The following PKHD1 variants were observed in gnomAD, a reference collection of about 807,000 sequenced individuals.
PKHD1 encodes the protein fibrocystin.
A neutral mutation model predicts 412.0 loss-of-function variants in PKHD1; 291 were observed. The observed-to-expected ratio is 0.71, with a 90% CI of 0.64 to 0.78. The LOEUF (loss-of-function observed/expected upper bound fraction) is 0.78. Ranked by LOEUF, PKHD1 falls within the 30% of genes least tolerant of loss-of-function variation. The probability of loss-of-function intolerance (pLI) is 0.00; values close to 1 mark genes in which losing one functional copy is unlikely to be tolerated. For missense variants in PKHD1, 4,825 were observed against 4,950.7 expected (o/e 0.97, Z 0.76); for synonymous variants, 1,777 against 1,821.5 (o/e 0.98, Z 0.62).
intron 16 of PKHD1, among the ~76,000 whole-genome samples, chr6:52,057,769 G>T (rs1262381399): frequency 6.6e-6 from 1 of 151,800 alleles, no homozygotes. Context: ...ATGGTTATTT[G>T]TGCACATGTT....
At position 51,748,510 on chromosome 6, in the gene PKHD1, C is replaced by T. The variant is rs141912421; in HGVS notation, c.9106G>A (p.Val3036Ile). 18 of 1,613,892 alleles carry T rather than the reference C, an allele frequency of 1.1e-5. No homozygotes were observed. The East Asian group carries it at 4.0e-4, about 36-fold the overall frequency. Reference sequence around the variant, plus strand: ...AACACAATATTGTCATTTAAAAGTACTCCATGACTGGCAGCTGCATGAATG... The same window carrying T: ...AACACAATATTGTCATTTAAAAGTATTCCATGACTGGCAGCTGCATGAATG... ...GGIHAAASHG[V>I]LLNDNIVFGT... The change falls in exon 58 of 67, where the codon GTA becomes ATA. Residue 3036 changes from valine (V) to isoleucine (I), a missense_variant. Val to Ile is a conservative substitution (Grantham distance 29). Coordinates refer to ENST00000371117, the MANE Select transcript of PKHD1 (RefSeq NM_138694.4).
chr6:51,825,278 C>T (rs1767121443), intron 52 of PKHD1, among the ~76,000 whole-genome samples: 1 of 152,192 alleles, frequency 6.6e-6, no homozygotes, highest in Non-Finnish European at 1.5e-5. Flanking sequence ...TAAATCTAGG[C>T]TGACCTCAGG....
At chr6:51,832,604 C>T (rs190575101) in intron 51 of PKHD1, among the ~76,000 whole-genome samples, 76 of 151,962 alleles carry the variant, frequency 5.0e-4, no homozygotes, top group African/African-American at 1.7e-3. Flanking sequence ...TGGAGCTATA[C>T]AGCAAGCAGT....
intron 52 of PKHD1, among the ~76,000 whole-genome samples, chr6:51,796,783 G>A (rs1399871510): frequency 1.3e-5 from 2 of 148,612 alleles, no homozygotes; most frequent in Non-Finnish European, 3.0e-5. Context: ...GGAGAAGGTT[G>A]TTCATTTCCA....
At chr6:51,699,966 AATTT>A (rs1779241938) in intron 60 of PKHD1, among the ~76,000 whole-genome samples, 1 of 38,404 alleles carries the variant, frequency 2.6e-5, no homozygotes, top group African/African-American at 5.4e-5. Flanking sequence ...TAAAAACAGT[AATTT>A]ATTATTACCT....
Position 52,003,526 on chromosome 6 carries a change from A to T in PKHD1, c.5751+6783T>A, listed in dbSNP as rs549436370. Among the ~76,000 whole-genome samples the T allele has an allele frequency of 4.0e-5, 6 of 151,612 alleles. No homozygotes were observed. The South Asian group carries it at 1.1e-3, about 27-fold the overall frequency. ...TTCCTTGATACTCATATACTCCTTAACCCCCCAAAATCTGGTTTTTCTCCC... is the reference window on the plus strand; with the variant it reads ...TTCCTTGATACTCATATACTCCTTATCCCCCCAAAATCTGGTTTTTCTCCC... On this transcript the variant is annotated intron_variant, in intron 35 of 66. Transcript: ENST00000371117.
chr6:51,712,092 A>C (rs1391919390), intron 60 of PKHD1, among the ~76,000 whole-genome samples: 1 of 152,210 alleles, frequency 6.6e-6, no homozygotes, highest in Non-Finnish European at 1.5e-5. Flanking sequence ...TCCTCCACAG[A>C]AAGGGCCTAT....
In PKHD1 at chr6:51,870,595, C is replaced by T. The variant is rs1231660958; in HGVS notation, c.7395G>A (p.Trp2465Ter). ...AGGTTGTGTTAGACACCATCAGTTCCCATCTTTTAGGAGTTTTAATCCCAG... is the reference window on the plus strand; with the variant it reads ...AGGTTGTGTTAGACACCATCAGTTCTCATCTTTTAGGAGTTTTAATCCCAG... ...MSSGIKTPKR[W>*]ELMVSNTTFV... The change falls in exon 47 of 67, where the codon TGG (tryptophan) becomes TGA (stop). Residue 2465 changes from tryptophan (W) to a stop codon, truncating the protein, a stop_gained. Transcript: ENST00000371117. LOFTEE classifies it high-confidence loss of function. 1 of 1,608,672 alleles carries T rather than the reference C, an allele frequency of 6.2e-7. No homozygotes were observed.
chr6:51,767,878 C>T (rs867498979), intron 55 of PKHD1, among the ~76,000 whole-genome samples: 5 of 152,144 alleles, frequency 3.3e-5, no homozygotes, highest in African/African-American at 7.2e-5. Flanking sequence ...TCTAGATCCC[C>T]AAGGAATCGC....
At chr6:51,919,587 G>A (rs1026963260) in intron 37 of PKHD1, among the ~76,000 whole-genome samples, 28 of 152,264 alleles carry the variant, frequency 1.8e-4, no homozygotes, top group African/African-American at 6.7e-4. Context: ...TGTTCTTTTG[G>A]CTTAGGATTG....
At chr6:51,935,171 A>G (rs1164943624) in intron 36 of PKHD1, among the ~76,000 whole-genome samples, 1 of 152,234 alleles carries the variant, frequency 6.6e-6, no homozygotes, top group East Asian at 1.9e-4. Flanking sequence ...CATTTTTAAA[A>G]GAAAAGTTGG....
At chr6:51,679,263 T>C (rs935943352) in intron 60 of PKHD1, among the ~76,000 whole-genome samples, 1 of 152,070 alleles carries the variant, frequency 6.6e-6, no homozygotes, top group African/African-American at 2.4e-5. Flanking sequence ...AATAAATGAA[T>C]TTGACAGCAA....
In PKHD1 at chr6:52,017,532, C is replaced by G. The variant is rs137925439; in HGVS notation, c.5478G>C (p.Ala1826=). ...GCCACGATTCAAGCAGTTGCTCTGT[C>G]GCCATGGCAACTGTCAAATCACACT... ...YVQCDLTVAM[A]TEQLLESWPY... The change falls in exon 34 of 67, where the codon GCG becomes GCC. Residue 1826 remains alanine, a synonymous_variant. Transcript: ENST00000371117. 6.2e-5 allele frequency: 100 copies of G among 1,614,036 alleles called. No homozygotes were observed. In the South Asian group the frequency reaches 9.4e-4, roughly 15 times the overall value.
intron 55 of PKHD1, among the ~76,000 whole-genome samples, chr6:51,772,044 T>C (rs1790232152): frequency 1.3e-5 from 2 of 152,172 alleles, no homozygotes; most frequent in Non-Finnish European, 2.9e-5. Context: ...ATATTTTCTA[T>C]GTGTATTTCA....
In PKHD1 at chr6:52,084,929, G is replaced by A. The variant is rs1296916997; in HGVS notation, c.5C>T (p.Thr2Ile). 3.7e-6 allele frequency: 6 copies of A among 1,601,314 alleles called. No individual in the cohort carries two copies. Among genetic ancestry groups the A allele is most frequent in the Admixed American group, 1.7e-5 (1 of 60,010 alleles). M[T>I]AWLISLMSIE... ...ACTCATCAGAGAGATCAGCCAGGCAGTCATTCTGTCCACTTAAATCAATAC... is the reference window on the plus strand; with the variant it reads ...ACTCATCAGAGAGATCAGCCAGGCAATCATTCTGTCCACTTAAATCAATAC... Residue 2 changes from threonine to isoleucine, a missense_variant, in exon 2 of 67, where the codon ACT (threonine) becomes ATT (isoleucine). Transcript: ENST00000371117.
chr6:51,714,639 T>C (rs1180830390), intron 60 of PKHD1, among the ~76,000 whole-genome samples: 1 of 152,254 alleles, frequency 6.6e-6, no homozygotes, highest in Non-Finnish European at 1.5e-5. Context: ...TCATTAGTCC[T>C]ATTTCACATG....
At chr6:51,670,402 A>C (rs1043869279) in intron 60 of PKHD1, among the ~76,000 whole-genome samples, 5 of 151,528 alleles carry the variant, frequency 3.3e-5, no homozygotes, top group African/African-American at 1.2e-4. Flanking sequence ...TTTGCTTGGT[A>C]GATCTTCCTC....
At chr6:51,916,417 G>T (rs13212007) in intron 37 of PKHD1, among the ~76,000 whole-genome samples, 6,803 of 152,164 alleles carry the variant, frequency 0.045, 174 homozygotes, top group African/African-American at 0.066. Context: ...TTAACAGATT[G>T]TACAGATAGG....
Position 51,615,923 on chromosome 6 carries a change from T to C in PKHD1, c.*3158A>G, listed in dbSNP as rs1766023622. On this transcript the variant is annotated 3_prime_UTR_variant, in exon 67 of 67. Coordinates refer to ENST00000371117, the MANE Select transcript of PKHD1 (RefSeq NM_138694.4). ...CTTGAAGTTCTGTTGGTCAGGTACT[T>C]TCCCTGAACACAGTCCCTGCCCCCC... is the stretch of plus-strand genomic sequence containing the variant. 6.6e-6 allele frequency: 1 copy of C among 152,140 alleles called. No individual in the cohort carries two copies. Among genetic ancestry groups the C allele is most frequent in the South Asian group, 2.1e-4 (1 of 4,832 alleles). The allele number at this position is 152,140 out of a possible 1,614,324, so 9.4% of individuals were successfully genotyped here.
Sources: gnomAD v4.1 joint callset for allele counts (sites outside exome capture counted in the v4.1 genomes callset) on GRCh38, gnomAD v4.1.1 for gene constraint, MANE v1.5 for transcripts, NCBI Gene and HGNC (gene_info 2026-07-23, HGNC 2026-07-21) for gene names.